ZBTB34: variants seen among roughly 807,000 people sequenced by gnomAD.
ZBTB34 encodes the protein zinc finger and BTB domain-containing protein 34.
A neutral mutation model predicts 33.4 loss-of-function variants in ZBTB34; 1 was observed. The observed-to-expected ratio is 0.03, with a 90% CI of 0.01 to 0.14. The LOEUF (loss-of-function observed/expected upper bound fraction) is 0.14, where lower values mean the gene tolerates loss of function less well. Among genes scored for constraint, ZBTB34 ranks in the 10% least tolerant of loss-of-function variants. ZBTB34 has a pLI of 1.00. For missense variants in ZBTB34, 406 were observed against 657.2 expected (o/e 0.62, Z 4.18); for synonymous variants, 283 against 253.5 (o/e 1.12, Z -1.11).
At chr9:126,870,863 G>C (rs539302792) in intron 1 of ZBTB34, among the ~76,000 whole-genome samples, 22 of 151,972 alleles carry the variant, frequency 1.4e-4, no homozygotes, top group Non-Finnish European at 2.5e-4. Flanking sequence ...GGAGGCGGAG[G>C]TTGCCTTGAG....
intron 1 of ZBTB34, among the ~76,000 whole-genome samples, chr9:126,870,785 A>G (rs2033267024): frequency 6.6e-6 from 1 of 152,038 alleles, no homozygotes; most frequent in Non-Finnish European, 1.5e-5. Context: ...AAATTAGCCA[A>G]GCGTGGTGGC....
intron 1 of ZBTB34, chr9:126,863,651 A>T (rs2033168050): frequency 1.0e-6 from 1 of 983,122 alleles, no homozygotes; most frequent in Admixed American, 6.2e-5. Flanking sequence ...TTAAATTTCT[A>T]ATGGTTATTT....
intron 1 of ZBTB34, among the ~76,000 whole-genome samples, chr9:126,876,297 A>G (rs1288603617): frequency 1.6e-5 from 2 of 121,662 alleles, no homozygotes; most frequent in Non-Finnish European, 3.3e-5. Flanking sequence ...TGATGTTGCT[A>G]TTGGTTTGTA....
At position 126,880,089 on chromosome 9, in the gene ZBTB34, G is replaced by A; in HGVS notation, c.690G>A (p.Val230=). Residue 230 remains valine, a synonymous_variant, in exon 2 of 2, where the codon GTG becomes GTA. Transcript: ENST00000319119. This position sits in a 1 kb window ranked among gnomAD's most constrained non-coding sequence, Gnocchi z 6.7. ...ACCATGAGCAAGGAGACCTATTGGT[G>A]AGGGAGAGCCAGATCACCGAGGTGA... 6.2e-7 allele frequency: 1 copy of A among 1,613,750 alleles called. No individual in the cohort carries two copies. The highest frequency in any genetic ancestry group is 1.1e-5 in the South Asian group (1 of 91,082).
rs74684587 is a variant in ZBTB34 at position 126,866,297 on chromosome 9, C to T, written c.-11+5558C>T. On this transcript the variant is annotated intron_variant, in intron 1 of 1. Transcript: ENST00000319119. ...AGCTTGTCCTGGCTGAGCTACGTGG[C>T]CTCCGAGTAGACACCATGCCTCAGT... Among the ~76,000 whole-genome samples the T allele has an allele frequency of 6.4e-3, 977 of 152,282 alleles. 37 individuals carry two copies. The East Asian group carries it at 0.1, about 16-fold the overall frequency.
At chr9:126,874,842 G>C (rs1367578492) in intron 1 of ZBTB34, among the ~76,000 whole-genome samples, 1 of 152,138 alleles carries the variant, frequency 6.6e-6, no homozygotes, top group Non-Finnish European at 1.5e-5. Flanking sequence ...ATTTAAAATA[G>C]CAGTTGTTCA....
chr9:126,880,356 C>G lies in ZBTB34; in HGVS notation c.957C>G (p.Phe319Leu). 4 of 1,613,908 alleles carry G rather than the reference C, an allele frequency of 2.5e-6. No homozygotes were observed. Among genetic ancestry groups the G allele is most frequent in the Non-Finnish European group, 3.4e-6 (4 of 1,179,888 alleles). Residue 319 changes from phenylalanine to leucine, a missense_variant, in exon 2 of 2, where the codon TTC becomes TTG. Physicochemically the swap from Phe to Leu is conservative, Grantham distance 22. Transcript: ENST00000319119. The surrounding 1 kb of genome is among the most constrained non-coding windows in gnomAD (Gnocchi z 6.7). ...CATCCAGGTCCATGCTGAGCTGTTT[C>G]CGAGGAGGGCGTGCCCGCCAGAAGC...
Position 126,879,751 on chromosome 9 carries a change from G to A in ZBTB34, c.352G>A (p.Val118Ile). Reference sequence around the variant, plus strand: ...AGCCAGCTTTCTTCAGATGCAGTGTGTCATTGACAAGTGCACGCAGATCCT... The same window carrying A: ...AGCCAGCTTTCTTCAGATGCAGTGTATCATTGACAAGTGCACGCAGATCCT... The change falls in exon 2 of 2, where the codon GTC becomes ATC. Residue 118 changes from valine to isoleucine, a missense_variant. By Grantham distance (29) the Val-to-Ile change is conservative. This residue lies in a region of ZBTB34 where 50 missense variants were observed against 157.9 expected (regional missense o/e 0.32). Coordinates refer to ENST00000319119, the Ensembl canonical transcript of ZBTB34. This position sits in a 1 kb window ranked among gnomAD's most constrained non-coding sequence, Gnocchi z 6.4. 1.2e-6 allele frequency: 2 copies of A among 1,613,484 alleles called. No individual in the cohort carries two copies. The highest frequency in any genetic ancestry group is 2.2e-5 in the South Asian group (2 of 91,082).
intron 1 of ZBTB34, among the ~76,000 whole-genome samples, chr9:126,877,628 G>A (rs980796882): frequency 6.6e-6 from 1 of 152,218 alleles, no homozygotes; most frequent in Non-Finnish European, 1.5e-5. Flanking sequence ...GTGTGCCGCA[G>A]CTGTGAGCGC....
chr9:126,868,645 C>T (rs1173272977), intron 1 of ZBTB34, among the ~76,000 whole-genome samples: 1 of 152,186 alleles, frequency 6.6e-6, no homozygotes, highest in Non-Finnish European at 1.5e-5. Context: ...TTGGCTTCGT[C>T]ACTGCTTGGT....
rs2033403344 is a variant in ZBTB34 at position 126,879,324 on chromosome 9, G to A, written c.-10-66G>A. ...ACAATGGTATTGTTGTTGTAAGCTT[G>A]TGTTTATGCCACTTGTACTTAGTGA... is the stretch of plus-strand genomic sequence containing the variant. On this transcript the variant is annotated intron_variant, in intron 1 of 1. Transcript: ENST00000319119. The surrounding 1 kb of genome is among the most constrained non-coding windows in gnomAD (Gnocchi z 6.4). 1 of 1,314,356 alleles carries A rather than the reference G, an allele frequency of 7.6e-7. No individual in the cohort carries two copies. Among genetic ancestry groups the A allele is most frequent in the Non-Finnish European group, 1.1e-6 (1 of 947,140 alleles). 81.4% of individuals were successfully genotyped at this position (1,314,356 alleles called of 1,614,324 possible). A position where few individuals can be genotyped will look rare whatever the true frequency, so the allele number is the denominator to read the frequency against.
intron 1 of ZBTB34, among the ~76,000 whole-genome samples, chr9:126,875,019 G>A (rs2033336987): frequency 6.6e-6 from 1 of 152,284 alleles, no homozygotes; most frequent in South Asian, 2.1e-4. Flanking sequence ...AAGTTTGGTT[G>A]TATTTGTCTA....
chr9:126,884,518 G>A (rs1198709381), exon 2 of ZBTB34: 3 of 166,518 alleles, frequency 1.8e-5, no homozygotes, highest in Non-Finnish European at 4.4e-5. Flanking sequence ...GGATACTGTC[G>A]GTTCACTGTT....
chr9:126,884,283 G>A (rs1252645967), exon 2 of ZBTB34: 3 of 166,914 alleles, frequency 1.8e-5, no homozygotes, highest in African/African-American at 7.2e-5. Context: ...TAATGTTTGT[G>A]GTTTTAAACA....
exon 2 of ZBTB34, chr9:126,883,265 C>T (rs1203430834): frequency 6.0e-6 from 1 of 166,792 alleles, no homozygotes; most frequent in Non-Finnish European, 1.5e-5. Context: ...AAGAAATGCC[C>T]AAATCCAAGG....
Position 126,880,429 on chromosome 9 carries a change from G to T in ZBTB34, c.1030G>T (p.Gly344Cys). 6.2e-7 allele frequency: 1 copy of T among 1,613,574 alleles called. No individual in the cohort carries two copies. Among genetic ancestry groups the T allele is most frequent in the South Asian group, 1.1e-5 (1 of 91,080 alleles). ...CAGTGACCTGCAGGGCCTGGTGCAG[G>T]GCTCTGACAGTGAAGCCATGATGAA... Residue 344 changes from glycine (G) to cysteine (C), a missense_variant, in exon 2 of 2, where the codon GGC (glycine) becomes TGC (cysteine). Around this residue, in one of 6 missense-constraint regions of ZBTB34, gnomAD observed 123 missense variants for 140.4 expected, o/e 0.88. Transcript: ENST00000319119. This position sits in a 1 kb window ranked among gnomAD's most constrained non-coding sequence, Gnocchi z 6.7.
chr9:126,869,665 G>A (rs2033253056), intron 1 of ZBTB34, among the ~76,000 whole-genome samples: 1 of 152,208 alleles, frequency 6.6e-6, no homozygotes, highest in African/African-American at 2.4e-5. Flanking sequence ...AAGCTACCTG[G>A]GAGACCAGTG....
At chr9:126,875,159 G>A (rs1342651605) in intron 1 of ZBTB34, among the ~76,000 whole-genome samples, 1 of 152,216 alleles carries the variant, frequency 6.6e-6, no homozygotes, top group African/African-American at 2.4e-5. Context: ...ATACACATCA[G>A]ATTTCAGAGA....
chr9:126,871,182 G>GTGTGTGTGTGT (rs1564222199), intron 1 of ZBTB34, among the ~76,000 whole-genome samples: 12 of 122,454 alleles, frequency 9.8e-5, no homozygotes, highest in African/African-American at 3.8e-4. Context: ...AAGTGAGGGG[G>GTGTGTGTGTGT]GTGTGTGTGT....
Sources: gnomAD v4.1 joint callset for allele counts (sites outside exome capture counted in the v4.1 genomes callset) on GRCh38, gnomAD v4.1.1 for gene constraint, gnomAD v4.1.1 regional missense constraint, Gnocchi (gnomAD v3.1) non-coding constraint, MANE v1.5 for transcripts, NCBI Gene and HGNC (gene_info 2026-07-23, HGNC 2026-07-21) for gene names.